EYS: variants seen among roughly 807,000 people sequenced by gnomAD.
EYS encodes protein eyes shut homolog.
Under a neutral mutation model 282.1 loss-of-function variants are expected in EYS, and 250 were observed. The ratio of observed to expected loss-of-function variants is 0.89; its 90% CI spans 0.80 to 0.98. EYS has a LOEUF of 0.98. Ranked by LOEUF, EYS falls within the 50% of genes least tolerant of loss-of-function variation. EYS has a pLI of 0.00. For missense variants in EYS, 4,016 were observed against 3,709.0 expected, an observed-to-expected ratio of 1.08 and a Z score of -2.15; for synonymous variants, 1,355 against 1,282.9, an observed-to-expected ratio of 1.06 and a Z score of -1.20.
chr6:65,037,955 C>T (rs1583423153), intron 13 of EYS, among the ~76,000 whole-genome samples: 1 of 151,612 alleles, frequency 6.6e-6, no homozygotes, highest in East Asian at 1.9e-4. Flanking sequence ...CTTCTCCTTT[C>T]CGTATTAGCA....
At chr6:65,110,214 C>G (rs2150188529) in intron 12 of EYS, among the ~76,000 whole-genome samples, 1 of 152,222 alleles carries the variant, frequency 6.6e-6, no homozygotes, top group South Asian at 2.1e-4. Flanking sequence ...AAATTCTGTT[C>G]TCTTTTCATT....
At chr6:65,391,208 C>T (rs1766016064) in intron 7 of EYS, among the ~76,000 whole-genome samples, 1 of 152,064 alleles carries the variant, frequency 6.6e-6, no homozygotes, top group African/African-American at 2.4e-5. Context: ...GGCCAGATTA[C>T]AGGATACCTC....
At chr6:64,254,625 C>T (rs962744848) in intron 30 of EYS, among the ~76,000 whole-genome samples, 3 of 152,054 alleles carry the variant, frequency 2.0e-5, no homozygotes, top group Non-Finnish European at 4.4e-5. Context: ...CTTCCTCTTG[C>T]TTTGTTCCCT....
intron 30 of EYS, among the ~76,000 whole-genome samples, chr6:64,266,196 AGT>A (rs368581207): frequency 8.5e-5 from 13 of 152,246 alleles, no homozygotes; most frequent in African/African-American, 2.4e-4. Flanking sequence ...CAAAATTATA[AGT>A]GTACAACACC....
intron 37 of EYS, among the ~76,000 whole-genome samples, chr6:63,803,202 A>G (rs771058351): frequency 6.6e-6 from 1 of 150,832 alleles, no homozygotes; most frequent in Non-Finnish European, 1.5e-5. Context: ...TTTTGAAACA[A>G]GACAGACCTA....
chr6:64,028,431 A>AGAGTAGT (rs1371734496), intron 33 of EYS, among the ~76,000 whole-genome samples: 1 of 152,262 alleles, frequency 6.6e-6, no homozygotes, highest in East Asian at 1.9e-4. Context: ...CGGTCATTGG[A>AGAGTAGT]GAGTAGTGCA....
intron 2 of EYS, among the ~76,000 whole-genome samples, chr6:65,596,844 T>A (rs1765425896): frequency 6.6e-6 from 1 of 152,078 alleles, no homozygotes; most frequent in African/African-American, 2.4e-5. Context: ...ATTGTTAATA[T>A]CTTATTCTAA....
At position 63,756,928 on chromosome 6, in the gene EYS, A is replaced by T. The variant is rs538569140; in HGVS notation, c.8071+5533T>A. ...TTGTCTTTGTAAGCTGAGAATGTAC[A>T]TCACCTCAGGACCACTATTGTGTTA... is the stretch of plus-strand genomic sequence containing the variant. On this transcript the variant is annotated intron_variant, in intron 41 of 42. Coordinates refer to ENST00000503581, the MANE Select transcript of EYS (RefSeq NM_001142800.2). 1.6e-4 allele frequency among the ~76,000 whole-genome samples: 24 copies of T among 152,254 alleles called. 1 individual carries two copies. The South Asian group carries it at 5.0e-3, about 32-fold the overall frequency.
chr6:64,542,238 A>C (rs1241515813), intron 26 of EYS, among the ~76,000 whole-genome samples: 1 of 152,144 alleles, frequency 6.6e-6, no homozygotes, highest in African/African-American at 2.4e-5. Context: ...TTATATTAAT[A>C]TTGCTGTCAC....
intron 28 of EYS, among the ~76,000 whole-genome samples, chr6:64,413,897 T>C (rs1261538954): frequency 1.3e-5 from 2 of 152,154 alleles, no homozygotes; most frequent in African/African-American, 4.8e-5. Context: ...TCCTCATGAA[T>C]AAGATTAGTG....
intron 2 of EYS, among the ~76,000 whole-genome samples, chr6:65,542,486 TG>T (rs1768204251): frequency 6.6e-6 from 1 of 151,622 alleles, no homozygotes; most frequent in East Asian, 1.9e-4. Context: ...TGTGTGTGTG[TG>T]TGTGTGTGTG....
At chr6:65,018,122 AC>A (rs1169898761) in intron 13 of EYS, among the ~76,000 whole-genome samples, 1 of 152,236 alleles carries the variant, frequency 6.6e-6, no homozygotes, top group Non-Finnish European at 1.5e-5. Context: ...CGATAAAAAA[AC>A]ACACTGCATT....
chr6:65,402,431 A>T, intron 7 of EYS, 47 bp downstream of exon 7: 1 of 1,293,770 alleles, frequency 7.7e-7, no homozygotes, highest in Non-Finnish European at 1.1e-6. Flanking sequence ...ACATGATTTA[A>T]AAATCCATGT....
At chr6:64,046,653 T>C (rs1582196293) in intron 33 of EYS, among the ~76,000 whole-genome samples, 1 of 152,146 alleles carries the variant, frequency 6.6e-6, no homozygotes, top group East Asian at 1.9e-4. Flanking sequence ...GCTGCCTAAG[T>C]GTCTTTAAAA....
intron 30 of EYS, among the ~76,000 whole-genome samples, chr6:64,243,173 A>C (rs1479316843): frequency 5.3e-5 from 8 of 151,766 alleles, no homozygotes; most frequent in Non-Finnish European, 4.4e-5. Context: ...TCCTCCTCCA[A>C]ACCCAATACA....
At chr6:64,114,779 G>A (rs1773319106) in intron 31 of EYS, among the ~76,000 whole-genome samples, 1 of 152,170 alleles carries the variant, frequency 6.6e-6, no homozygotes, top group South Asian at 2.1e-4. Flanking sequence ...CCCAGTGCCT[G>A]TTCCACAGAG....
intron 2 of EYS, among the ~76,000 whole-genome samples, chr6:65,522,361 G>A (rs1767404714): frequency 6.6e-6 from 1 of 152,178 alleles, no homozygotes; most frequent in African/African-American, 2.4e-5. Context: ...AGCACTTTGG[G>A]AGGCTGAGGC....
At chr6:64,551,156 A>G (rs1765065806) in intron 26 of EYS, among the ~76,000 whole-genome samples, 1 of 149,532 alleles carries the variant, frequency 6.7e-6, no homozygotes, top group Non-Finnish European at 1.5e-5. Context: ...ATGTATATAC[A>G]TATATGTGTA....
At position 64,674,687 on chromosome 6, in the gene EYS, T is replaced by C. The variant is rs532383165; in HGVS notation, c.3444-48442A>G. Among the ~76,000 whole-genome samples the C allele has an allele frequency of 7.2e-5, 11 of 151,938 alleles. No individual in the cohort carries two copies. In the East Asian group the frequency reaches 7.7e-4, roughly 11 times the overall value. ...CCTGCATAGAAACCTCTTAAAACTA[T>C]ACTTTTCTTTTATCTGTTATGCCTC... On this transcript the variant is annotated intron_variant, in intron 22 of 42. Coordinates refer to ENST00000503581, the MANE Select transcript of EYS (RefSeq NM_001142800.2).
Sources: gnomAD v4.1 joint callset for allele counts (sites outside exome capture counted in the v4.1 genomes callset) on GRCh38, gnomAD v4.1.1 for gene constraint, MANE v1.5 for transcripts, NCBI Gene and HGNC (gene_info 2026-07-23, HGNC 2026-07-21) for gene names.